The following GPI variants were observed in gnomAD, a reference collection of about 807,000 sequenced individuals.
GPI encodes D-hexose-6-phosphate anomerase.
In GPI, 56 loss-of-function variants were observed where a neutral mutation model predicts 75.8. The ratio of observed to expected loss-of-function variants is 0.74; its 90% CI spans 0.60 to 0.92. The LOEUF is 0.92. Among genes scored for constraint, GPI ranks in the 40% least tolerant of loss-of-function variants. The probability of loss-of-function intolerance (pLI) is 0.00; values close to 1 mark genes in which losing one functional copy is unlikely to be tolerated. For missense variants in GPI, 638 were observed against 741.0 expected, an observed-to-expected ratio of 0.86 and a Z score of 1.61; for synonymous variants, 288 against 285.4, an observed-to-expected ratio of 1.01 and a Z score of -0.09.
Position 34,365,276 on chromosome 19 carries a change from C to T in GPI, c.10C>T (p.Leu4Phe), listed in dbSNP as rs763650536. The stretch of plus-strand genomic sequence containing the variant: ...ACCTTCTAGTCCCGCCATGGCCGCT[C>T]TCACCCGGGACCCCCAGTTCCAGAA... MAA[L>F]TRDPQFQKLQ... Residue 4 changes from leucine to phenylalanine, a missense_variant, in exon 1 of 18, where the codon CTC becomes TTC. Transcript: ENST00000356487. 2.5e-6 allele frequency: 4 copies of T among 1,575,806 alleles called. No individual in the cohort carries two copies. Among genetic ancestry groups the T allele is most frequent in the Non-Finnish European group, 1.7e-6 (2 of 1,163,864 alleles).
intron 6 of GPI, among the ~76,000 whole-genome samples, chr19:34,378,464 C>G (rs374211703): frequency 5.3e-5 from 8 of 152,144 alleles, no homozygotes; most frequent in South Asian, 2.1e-4. Context: ...ATGCACCCCC[C>G]CTTGGCCTCC....
upstream of GPI, among the ~76,000 whole-genome samples, chr19:34,362,985 G>C (rs773237347): frequency 6.6e-6 from 1 of 152,150 alleles, no homozygotes; most frequent in South Asian, 2.1e-4. Flanking sequence ...TAACCTACTA[G>C]AAAAAGGCAG....
chr19:34,396,346 C>T lies in GPI; in HGVS notation c.1108C>T (p.Arg370Cys), dbSNP rs200692004. 21 of 1,614,174 alleles carry T rather than the reference C, an allele frequency of 1.3e-5. No individual in the cohort carries two copies. Among genetic ancestry groups the T allele is most frequent in the Middle Eastern group, 1.6e-4 (1 of 6,062 alleles). Residue 370 changes from arginine to cysteine, a missense_variant, in exon 13 of 18, where the codon CGT (arginine) becomes TGT (cysteine). Coordinates refer to ENST00000356487, the MANE Select transcript of GPI (RefSeq NM_000175.5). The part of the protein sequence containing the change: ...NGKYITKSGT[R>C]VDHQTGPIVW... Reference sequence around the variant, plus strand: ...GAAATACATCACCAAATCTGGAACCCGTGTGGACCACCAGACAGGCCCCAT... The same window carrying T: ...GAAATACATCACCAAATCTGGAACCTGTGTGGACCACCAGACAGGCCCCAT...
At chr19:34,368,841 T>G (rs570956800) in intron 4 of GPI, 139 bp downstream of exon 4, 2 of 944,610 alleles carry the variant, frequency 2.1e-6, no homozygotes, top group African/African-American at 3.3e-5. Flanking sequence ...AGGGGTTGCC[T>G]GTGTGATCGC....
intron 6 of GPI, 62 bp from the exon 7 acceptor site, chr19:34,378,872 T>G: frequency 1.6e-6 from 2 of 1,277,368 alleles, no homozygotes; most frequent in Non-Finnish European, 2.3e-6. Flanking sequence ...TGCTGAACCC[T>G]GGCTCAAGGC....
intron 9 of GPI, among the ~76,000 whole-genome samples, chr19:34,390,653 T>C (rs900466434): frequency 6.7e-6 from 1 of 150,248 alleles, no homozygotes; most frequent in Non-Finnish European, 1.5e-5. Flanking sequence ...AGGTAACATC[T>C]AGTACAGGTA....
At chr19:34,365,190 C>G, upstream of GPI, 2 of 1,343,134 alleles carry the variant, frequency 1.5e-6, no homozygotes, top group Non-Finnish European at 1.9e-6. Context: ...CGCGCCCACG[C>G]GCCTCGCTTG....
intron 4 of GPI, among the ~76,000 whole-genome samples, chr19:34,373,557 CAAAAAAA>C (rs538891535): frequency 2.8e-4 from 18 of 63,218 alleles, no homozygotes; most frequent in African/African-American, 8.6e-4. Flanking sequence ...ATTCCATCTC[CAAAAAAA>C]AAAAAAAAAA....
At chr19:34,368,280 A>G (rs1177192229) in intron 3 of GPI, among the ~76,000 whole-genome samples, 1 of 152,124 alleles carries the variant, frequency 6.6e-6, no homozygotes, top group African/African-American at 2.4e-5. Flanking sequence ...GCCTTTGCTC[A>G]CTGTTCCTCT....
intron 4 of GPI, among the ~76,000 whole-genome samples, chr19:34,372,222 C>T (rs973820790): frequency 1.2e-4 from 19 of 152,230 alleles, no homozygotes; most frequent in Non-Finnish European, 2.6e-4. Flanking sequence ...TGAGCCACCA[C>T]ACCCAGCCAA....
rs1323777336 is a variant in GPI at position 34,399,704 on chromosome 19, C to T, written c.1475-15C>T. On this transcript the variant is annotated splice_polypyrimidine_tract_variant and intron_variant, in intron 16 of 17. Transcript: ENST00000356487. ...CTTGTGGAGCCCTGATGTGCCCTGTCTGTCACTTCTGCAGCCATGTATGAG... is the reference window on the plus strand; with the variant it reads ...CTTGTGGAGCCCTGATGTGCCCTGTTTGTCACTTCTGCAGCCATGTATGAG... 4.3e-6 allele frequency: 7 copies of T among 1,613,876 alleles called. No individual in the cohort carries two copies. The highest frequency in any genetic ancestry group is 5.1e-6 in the Non-Finnish European group (6 of 1,179,930).
chr19:34,359,934 T>C (rs1381822948), upstream of GPI: 1 of 152,304 alleles, frequency 6.6e-6, no homozygotes, highest in Admixed American at 6.5e-5. Context: ...TGGCAGTCAA[T>C]TGCTTTTCCA....
chr19:34,383,427 A>G (rs1172404559), intron 9 of GPI, among the ~76,000 whole-genome samples: 2 of 152,104 alleles, frequency 1.3e-5, no homozygotes, highest in Non-Finnish European at 2.9e-5. Flanking sequence ...GACCTATGGC[A>G]TGGGACAGGT....
chr19:34,399,818 A>G (rs746183807), intron 17 of GPI, 33 bp downstream of exon 17: 2 of 1,613,006 alleles, frequency 1.2e-6, no homozygotes, highest in South Asian at 1.1e-5. Context: ...GGCCGGGAAT[A>G]CCTTTGTGTC....
chr19:34,361,925 G>C (rs1357056445), upstream of GPI, among the ~76,000 whole-genome samples: 3 of 151,992 alleles, frequency 2.0e-5, no homozygotes, highest in Admixed American at 2.0e-4. Flanking sequence ...GACCATCCTG[G>C]TCAACACAGT....
At chr19:34,381,355 A>C (rs1426904853) in intron 8 of GPI, 111 bp from the exon 9 acceptor site, 2 of 802,224 alleles carry the variant, frequency 2.5e-6, no homozygotes, top group Non-Finnish European at 4.5e-6. Context: ...GGCTCTGGGG[A>C]AGGTGAGGCT....
intron 3 of GPI, chr19:34,367,143 CTAATATA>C (rs1568325394): frequency 1.9e-6 from 1 of 534,426 alleles, no homozygotes; most frequent in Non-Finnish European, 3.5e-6. Flanking sequence ...GAAGTTAACT[CTAATATA>C]TCCTCAATGC....
intron 4 of GPI, among the ~76,000 whole-genome samples, chr19:34,376,238 A>G (rs2074533698): frequency 6.6e-6 from 1 of 152,184 alleles, no homozygotes; most frequent in Non-Finnish European, 1.5e-5. Flanking sequence ...AGGCTGGGCA[A>G]CGTAGCAAGA....
At chr19:34,384,700 G>C (rs758576903) in intron 9 of GPI, among the ~76,000 whole-genome samples, 2 of 152,202 alleles carry the variant, frequency 1.3e-5, no homozygotes, top group Non-Finnish European at 2.9e-5. Context: ...GGTCTGAGGA[G>C]CTGGGATCTG....
Sources: gnomAD v4.1 joint callset for allele counts (sites outside exome capture counted in the v4.1 genomes callset) on GRCh38, gnomAD v4.1.1 for gene constraint, MANE v1.5 for transcripts, NCBI Gene and HGNC (gene_info 2026-07-23, HGNC 2026-07-21) for gene names.